CAMTA1: variants seen among roughly 807,000 people sequenced by gnomAD.
The protein encoded by CAMTA1 is calmodulin-binding transcription activator 1.
A neutral mutation model predicts 170.9 loss-of-function variants in CAMTA1; 27 were observed. That is an observed-to-expected ratio of 0.16 (90% CI 0.12 to 0.22). The LOEUF is 0.22. Ranked by LOEUF, CAMTA1 falls within the 10% of genes least tolerant of loss-of-function variation. The probability of loss-of-function intolerance (pLI) is 1.00; values close to 1 mark genes in which losing one functional copy is unlikely to be tolerated. For synonymous variants in CAMTA1, 833 were observed against 891.5 expected, an observed-to-expected ratio of 0.93 and a Z score of 1.17; for missense variants, 1,619 against 2,217.2, an observed-to-expected ratio of 0.73 and a Z score of 5.42.
chr1:7,260,184 A>G lies in CAMTA1; in HGVS notation c.438+10558A>G, dbSNP rs553851500. On this transcript the variant is annotated intron_variant, in intron 5 of 22. Transcript: ENST00000303635. ...AAAACAGACTGTGGGCTGGATTTGG[A>G]CCATGGATGTAGTTGGTCCACTCCT... Among the ~76,000 whole-genome samples the G allele has an allele frequency of 2.8e-4, 42 of 152,314 alleles. 1 individual carries two copies. The highest frequency in any genetic ancestry group is 9.6e-4 in the African/African-American group (40 of 41,574).
intron 5 of CAMTA1, among the ~76,000 whole-genome samples, chr1:7,318,887 G>A (rs570529246): frequency 6.6e-6 from 1 of 152,354 alleles, no homozygotes; most frequent in Non-Finnish European, 1.5e-5. Context: ...GGGAATGGAG[G>A]TGGGTGAAGG....
chr1:7,618,281 GC>G (rs1214316839), intron 6 of CAMTA1, among the ~76,000 whole-genome samples: 18 of 152,200 alleles, frequency 1.2e-4, no homozygotes, highest in Non-Finnish European at 1.5e-5. Context: ...TGGCATCTCA[GC>G]CTATATCACC....
chr1:7,346,423 G>A (rs2149845152), intron 5 of CAMTA1, among the ~76,000 whole-genome samples: 1 of 152,226 alleles, frequency 6.6e-6, no homozygotes, highest in South Asian at 2.1e-4. Context: ...CTGAGGACGG[G>A]GGAACTACAG....
Position 7,737,263 on chromosome 1 carries a change from G to A in CAMTA1, c.3351G>A (p.Ala1117=), listed in dbSNP as rs185061301. The change falls in exon 15 of 23, where the codon GCG becomes GCA. Residue 1117 remains alanine (A), a synonymous_variant. Transcript: ENST00000303635. ...DHFSCTPLMW[A]CALGHLEAAV... ...GTCTCCCTGTCTTCTAGATGTGGGC[G>A]TGTGCCCTAGGGCACTTGGAAGCTG... 53 of 1,613,090 alleles carry A rather than the reference G, an allele frequency of 3.3e-5. No homozygotes were observed. The highest frequency in any genetic ancestry group is 5.0e-5 in the Admixed American group (3 of 59,968).
chr1:7,255,888 C>G (rs1667299230), intron 5 of CAMTA1, among the ~76,000 whole-genome samples: 1 of 152,166 alleles, frequency 6.6e-6, no homozygotes, highest in South Asian at 2.1e-4. Flanking sequence ...GGACTTGAAC[C>G]TAGGTCTTTG....
intron 22 of CAMTA1, among the ~76,000 whole-genome samples, chr1:7,762,554 C>T (rs2096984021): frequency 6.6e-6 from 1 of 151,898 alleles, no homozygotes; most frequent in African/African-American, 2.4e-5. Context: ...AAAATTAAGC[C>T]CCACTGTCTC....
chr1:7,298,484 C>T (rs1394317347), intron 5 of CAMTA1, among the ~76,000 whole-genome samples: 1 of 152,094 alleles, frequency 6.6e-6, no homozygotes, highest in Non-Finnish European at 1.5e-5. Flanking sequence ...ACTGCCTGAC[C>T]TGCCACATGC....
At chr1:7,695,267 C>T (rs1293782334) in intron 11 of CAMTA1, among the ~76,000 whole-genome samples, 1 of 152,148 alleles carries the variant, frequency 6.6e-6, no homozygotes, top group Non-Finnish European at 1.5e-5. Flanking sequence ...GTCTTTACAC[C>T]CCTCCCCTGG....
At chr1:7,135,946 A>T (rs1408993381) in intron 4 of CAMTA1, among the ~76,000 whole-genome samples, 3 of 152,148 alleles carry the variant, frequency 2.0e-5, no homozygotes, top group Non-Finnish European at 4.4e-5. Flanking sequence ...ATACACCTCT[A>T]TGGTACTTAC....
intron 3 of CAMTA1, among the ~76,000 whole-genome samples, chr1:6,879,071 C>T (rs764534255): frequency 4.6e-5 from 7 of 152,320 alleles, no homozygotes; most frequent in Admixed American, 1.3e-4. Context: ...CATCCCTGCA[C>T]TTCTTTTAAA....
chr1:7,731,550 C>T (rs1309294299), intron 11 of CAMTA1, among the ~76,000 whole-genome samples: 3 of 146,494 alleles, frequency 2.0e-5, no homozygotes, highest in South Asian at 2.2e-4. Flanking sequence ...CCAGCCTGGG[C>T]GACACCATGA....
intron 4 of CAMTA1, among the ~76,000 whole-genome samples, chr1:7,181,925 G>A (rs904284268): frequency 4.6e-5 from 7 of 151,742 alleles, no homozygotes; most frequent in Non-Finnish European, 7.4e-5. Context: ...AGAACTACTG[G>A]GAGGAATAGC....
intron 3 of CAMTA1, among the ~76,000 whole-genome samples, chr1:7,035,927 A>G (rs1441985115): frequency 2.0e-5 from 3 of 152,250 alleles, no homozygotes; most frequent in Non-Finnish European, 4.4e-5. Context: ...CTGTGTGTAT[A>G]TATGTATAAA....
intron 7 of CAMTA1, among the ~76,000 whole-genome samples, chr1:7,649,191 T>C (rs2095831162): frequency 6.6e-6 from 1 of 152,200 alleles, no homozygotes. Flanking sequence ...TGGTGGAGCC[T>C]TGCCAGACAC....
chr1:7,402,052 A>C (rs2089941780), intron 5 of CAMTA1, among the ~76,000 whole-genome samples: 1 of 152,218 alleles, frequency 6.6e-6, no homozygotes, highest in South Asian at 2.1e-4. Flanking sequence ...TATTGCTCCC[A>C]GGAATGTTAA....
At chr1:7,728,847 A>G (rs1304574130) in intron 11 of CAMTA1, among the ~76,000 whole-genome samples, 5 of 152,130 alleles carry the variant, frequency 3.3e-5, no homozygotes, top group African/African-American at 1.2e-4. Context: ...CAACCTCTGT[A>G]GTCATCTTGT....
intron 11 of CAMTA1, among the ~76,000 whole-genome samples, chr1:7,716,076 G>T (rs559183883): frequency 6.6e-6 from 1 of 152,074 alleles, no homozygotes; most frequent in African/African-American, 2.4e-5. Context: ...TCTGTTGCCC[G>T]GGCTGGAGTG....
At chr1:6,882,348 A>G (rs1671857012) in intron 3 of CAMTA1, among the ~76,000 whole-genome samples, 1 of 152,204 alleles carries the variant, frequency 6.6e-6, no homozygotes, top group African/African-American at 2.4e-5. Context: ...AGAGTTGTTG[A>G]TCCCTGGTTT....
intron 3 of CAMTA1, among the ~76,000 whole-genome samples, chr1:7,000,541 C>T (rs1336791512): frequency 2.0e-5 from 3 of 152,182 alleles, no homozygotes; most frequent in Non-Finnish European, 4.4e-5. Flanking sequence ...CTGGCTGTCT[C>T]CCCACAGCCT....
Sources: allele counts gnomAD v4.1 joint callset (sites outside exome capture counted in the v4.1 genomes callset), GRCh38; gene constraint gnomAD v4.1.1; transcripts MANE v1.5; gene names NCBI Gene and HGNC (gene_info 2026-07-23, HGNC 2026-07-21).